COL24A1: variants seen among roughly 807,000 people sequenced by gnomAD.
COL24A1 encodes collagen type XXIV alpha 1 chain, also known as collagen alpha-1(XXIV) chain.
In COL24A1, 224 loss-of-function variants were observed where a neutral mutation model predicts 253.9. The ratio of observed to expected loss-of-function variants is 0.88; its 90% CI spans 0.79 to 0.99. COL24A1 has a LOEUF of 0.99. COL24A1 is among the 50% of genes least tolerant of loss of function. COL24A1 has a pLI of 0.00. For synonymous variants in COL24A1, 685 were observed against 673.7 expected (o/e 1.02, Z -0.26); for missense variants, 2,131 against 2,068.5 (o/e 1.03, Z -0.59).
At chr1:85,869,208 T>C (rs1680130997) in intron 35 of COL24A1, among the ~76,000 whole-genome samples, 1 of 152,204 alleles carries the variant, frequency 6.6e-6, no homozygotes, top group African/African-American at 2.4e-5. Context: ...CTTTGCTATA[T>C]TGTATTTACA....
At chr1:86,151,098 T>C (rs1053860294) in intron 1 of COL24A1, among the ~76,000 whole-genome samples, 4 of 152,054 alleles carry the variant, frequency 2.6e-5, no homozygotes, top group African/African-American at 9.7e-5. Flanking sequence ...TATATGTGTG[T>C]GTGTGTGTGT....
rs1663316693 is a variant in COL24A1, at chr1:85,729,946, T to C, written c.*600A>G. The C allele has an allele frequency of 6.6e-6, 1 of 152,530 alleles. No individual in the cohort carries two copies. The highest frequency in any genetic ancestry group is 2.1e-4 in the South Asian group (1 of 4,830). The allele number at this position is 152,530 out of a possible 1,614,324, so 9.4% of individuals were successfully genotyped here. A position where few individuals can be genotyped will look rare whatever the true frequency, so the allele number is the denominator to read the frequency against. The stretch of plus-strand genomic sequence containing the variant: ...CCAAAACATATCTTGATGTAACCAG[T>C]ACATACACTTTTAAAGAATGACAAA... On this transcript the variant is annotated 3_prime_UTR_variant, in exon 60 of 60. Coordinates refer to ENST00000370571, the MANE Select transcript of COL24A1 (RefSeq NM_152890.7).
intron 6 of COL24A1, among the ~76,000 whole-genome samples, chr1:86,089,590 C>G (rs1703333810): frequency 6.6e-6 from 1 of 152,150 alleles, no homozygotes; most frequent in South Asian, 2.1e-4. Flanking sequence ...GAGGCCGAGA[C>G]AGGTGGACTG....
chr1:86,023,630 A>G (rs1480044425), intron 14 of COL24A1, among the ~76,000 whole-genome samples: 1 of 152,154 alleles, frequency 6.6e-6, no homozygotes, highest in African/African-American at 2.4e-5. Context: ...GAGAAAAAAG[A>G]CATAATCTCT....
At chr1:86,111,576 A>T (rs1705609551) in intron 5 of COL24A1, among the ~76,000 whole-genome samples, 1 of 142,622 alleles carries the variant, frequency 7.0e-6, no homozygotes, top group South Asian at 2.3e-4. Context: ...ATGTGGGTGA[A>T]GTCAGAAAAG....
At chr1:85,885,399 T>TATA (rs1558527833) in intron 32 of COL24A1, among the ~76,000 whole-genome samples, 3 of 109,520 alleles carry the variant, frequency 2.7e-5, no homozygotes, top group African/African-American at 7.8e-5. Flanking sequence ...ATATATATAT[T>TATA]TTTTTTTTAA....
chr1:86,020,061 CTTT>C (rs10582249), intron 18 of COL24A1, among the ~76,000 whole-genome samples: 16 of 102,596 alleles, frequency 1.6e-4, no homozygotes, highest in East Asian at 3.9e-4. Flanking sequence ...TTCATTCTTT[CTTT>C]TTTTTTTTTT....
chr1:85,748,518 C>A (rs1276645839), intron 55 of COL24A1, among the ~76,000 whole-genome samples: 2 of 151,814 alleles, frequency 1.3e-5, no homozygotes, highest in Non-Finnish European at 2.9e-5. Flanking sequence ...AACTAAAGGA[C>A]AGAGGGAGGA....
intron 12 of COL24A1, among the ~76,000 whole-genome samples, chr1:86,042,082 C>T (rs995810670): frequency 1.3e-5 from 2 of 152,054 alleles, no homozygotes; most frequent in Non-Finnish European, 2.9e-5. Context: ...CAGAACTACA[C>T]CTCGCTATCC....
rs148452096 is a variant in COL24A1, at chr1:85,864,074, C to G, written c.3300+4445G>C. ...GGTATATACCCAAAGGATTATAAAT[C>G]AAGCTGCTATAAAAACACATGCACA... On this transcript the variant is annotated intron_variant, in intron 37 of 59. Coordinates refer to ENST00000370571, the MANE Select transcript of COL24A1 (RefSeq NM_152890.7). 2.1e-4 allele frequency among the ~76,000 whole-genome samples: 32 copies of G among 152,256 alleles called. 1 individual carries two copies. In the East Asian group the frequency reaches 6.2e-3, roughly 29 times the overall value.
In COL24A1 at chr1:85,884,526, G is replaced by C. The variant is rs150115689; in HGVS notation, c.2976+5034C>G. 2.7e-3 allele frequency among the ~76,000 whole-genome samples: 409 copies of C among 152,220 alleles called. 1 individual carries two copies. Among genetic ancestry groups the C allele is most frequent in the African/African-American group, 8.3e-3 (343 of 41,534 alleles). On this transcript the variant is annotated intron_variant, in intron 32 of 59. Transcript: ENST00000370571. ...CCACTGATTTGATTGTAAGGTATGA[G>C]TGTAGGAAGGGCATTCTATAGTTCT...
chr1:85,958,981 G>A lies in COL24A1; in HGVS notation c.2562+2268C>T, dbSNP rs572741111. On this transcript the variant is annotated intron_variant, in intron 24 of 59. Transcript: ENST00000370571. ...TCTATCACAAATTGAATTCTAACTG[G>A]TATAAATCTAGAAACAAACAAACCT... Among the ~76,000 whole-genome samples, 20 of 152,214 alleles carry A rather than the reference G, an allele frequency of 1.3e-4. No homozygotes were observed. The South Asian group carries it at 4.1e-3, about 32-fold the overall frequency.
chr1:85,842,428 A>C, intron 39 of COL24A1, 35 bp from the exon 40 acceptor site: 1 of 1,373,344 alleles, frequency 7.3e-7, no homozygotes, highest in Non-Finnish European at 1.0e-6. Context: ...GAGAGAGAGA[A>C]AGTAAAGAAT....
At chr1:85,821,293 T>A (rs984028466) in intron 45 of COL24A1, among the ~76,000 whole-genome samples, 5 of 152,322 alleles carry the variant, frequency 3.3e-5, no homozygotes, top group Admixed American at 2.6e-4. Flanking sequence ...AAATTAATCA[T>A]ATTTTACTTA....
At chr1:86,048,084 AAATAG>A (rs1475512235) in intron 11 of COL24A1, among the ~76,000 whole-genome samples, 9 of 152,294 alleles carry the variant, frequency 5.9e-5, no homozygotes, top group Admixed American at 4.6e-4. Context: ...TTTTTTAAAA[AAATAG>A]AATAATTATT....
At position 85,847,697 on chromosome 1, in the gene COL24A1, G is replaced by A. The variant is rs776556216; in HGVS notation, c.3430C>T (p.Pro1144Ser). 1.2e-5 allele frequency: 20 copies of A among 1,613,496 alleles called. No homozygotes were observed. The highest frequency in any genetic ancestry group is 1.7e-5 in the Non-Finnish European group (20 of 1,179,766). The change falls in exon 39 of 60, where the codon CCT becomes TCT. Residue 1144 changes from proline (P) to serine (S), a missense_variant. Pro to Ser is a moderately conservative substitution (Grantham distance 74). Coordinates refer to ENST00000370571, the MANE Select transcript of COL24A1 (RefSeq NM_152890.7). ...CCTCTAGTTCCTCTGGCACCCTTAG[G>A]ACCACTTTTCCCAATTTTTCCAGGA... ...GPPGKIGKSG[P>S]KGARGTRGAV...
intron 59 of COL24A1, among the ~76,000 whole-genome samples, chr1:85,732,179 C>G (rs1272096621): frequency 6.6e-6 from 1 of 152,016 alleles, no homozygotes; most frequent in Non-Finnish European, 1.5e-5. Flanking sequence ...ACTAGCAGTA[C>G]AGTAAGGCCT....
chr1:85,770,106 C>T (rs1446286977), intron 53 of COL24A1, among the ~76,000 whole-genome samples: 1 of 152,136 alleles, frequency 6.6e-6, no homozygotes, highest in Non-Finnish European at 1.5e-5. Flanking sequence ...AATATAGCTT[C>T]ACTGTGTACA....
intron 2 of COL24A1, among the ~76,000 whole-genome samples, chr1:86,132,540 G>A (rs551880377): frequency 1.1e-3 from 167 of 152,222 alleles, no homozygotes; most frequent in Middle Eastern, 3.4e-3. Context: ...ATTAATTTTT[G>A]TATAAGGTGT....
Sources: allele counts gnomAD v4.1 joint callset (sites outside exome capture counted in the v4.1 genomes callset), GRCh38; gene constraint gnomAD v4.1.1; transcripts MANE v1.5; gene names NCBI Gene and HGNC (gene_info 2026-07-23, HGNC 2026-07-21).